TSHR: variants seen among roughly 807,000 people sequenced by gnomAD.
The protein encoded by TSHR is thyrotropin receptor.
In TSHR, 51 loss-of-function variants were observed where a neutral mutation model predicts 64.1. That is an observed-to-expected ratio of 0.80 (90% CI 0.64 to 1.01). The LOEUF is 1.01. TSHR is among the 50% of genes least tolerant of loss of function. TSHR has a pLI of 0.00. For synonymous variants in TSHR, 361 were observed against 361.9 expected (o/e 1.00, Z 0.03); for missense variants, 877 against 942.8 (o/e 0.93, Z 0.91).
At chr14:80,987,197 A>G (rs1234788365) in intron 1 of TSHR, among the ~76,000 whole-genome samples, 1 of 152,194 alleles carries the variant, frequency 6.6e-6, no homozygotes, top group African/African-American at 2.4e-5. Context: ...GTCAAATATT[A>G]CACAGTTTAC....
intron 1 of TSHR, among the ~76,000 whole-genome samples, chr14:81,011,545 C>T (rs1292323504): frequency 1.3e-5 from 2 of 151,776 alleles, no homozygotes; most frequent in Admixed American, 6.6e-5. Flanking sequence ...AATTATGTAT[C>T]GTGCTTTCTC....
chr14:81,071,538 C>T (rs1176829439), intron 3 of TSHR, among the ~76,000 whole-genome samples: 1 of 152,032 alleles, frequency 6.6e-6, no homozygotes, highest in Non-Finnish European at 1.5e-5. Flanking sequence ...TCACTAAGTT[C>T]CTCTGATTAA....
intron 2 of TSHR, among the ~76,000 whole-genome samples, chr14:81,067,268 G>GT (rs1186967579): frequency 2.0e-5 from 3 of 151,628 alleles, no homozygotes; most frequent in East Asian, 1.9e-4. Context: ...TGATGCTCAT[G>GT]TTTTTTTGCT....
intron 1 of TSHR, among the ~76,000 whole-genome samples, chr14:81,017,268 T>TA (rs1883463715): frequency 6.6e-6 from 1 of 152,160 alleles, no homozygotes; most frequent in African/African-American, 2.4e-5. Context: ...TTTGCCCATT[T>TA]AAAAAATTTC....
intron 1 of TSHR, among the ~76,000 whole-genome samples, chr14:80,970,824 A>AT (rs34011489): frequency 6.6e-6 from 1 of 152,238 alleles, no homozygotes; most frequent in African/African-American, 2.4e-5. Context: ...CTTAGAAGGG[A>AT]TTTTTTTGTG....
chr14:80,991,321 A>G (rs75296986), intron 1 of TSHR, among the ~76,000 whole-genome samples: 3 of 152,208 alleles, frequency 2.0e-5, no homozygotes, highest in African/African-American at 7.2e-5. Context: ...CTTAAAAAAA[A>G]GCCTTGAAAA....
chr14:81,098,348 T>A (rs1889350995), intron 7 of TSHR, among the ~76,000 whole-genome samples: 1 of 152,254 alleles, frequency 6.6e-6, no homozygotes, highest in African/African-American at 2.4e-5. Flanking sequence ...CATTGTTTTT[T>A]AAATCATTAT....
At chr14:80,988,195 T>C (rs2284725) in intron 1 of TSHR, among the ~76,000 whole-genome samples, 28,952 of 152,130 alleles carry the variant, frequency 0.19, 3,775 homozygotes, top group East Asian at 0.43. Context: ...CCTGTATAAG[T>C]GTTCTTACAA....
Position 81,143,762 on chromosome 14 carries a change from C to T in TSHR, c.1704C>T (p.Ile568=). The change falls in exon 10 of 10, where the codon ATC becomes ATT. Residue 568 remains isoleucine (I), a synonymous_variant. Transcript: ENST00000298171. ...VGISSYAKVS[I]CLPMDTETPL... is the part of the protein sequence containing the mutation. ...TAAGTAGCTATGCCAAAGTCAGTATCTGCCTGCCCATGGACACCGAGACCC... is the reference window on the plus strand; with the variant it reads ...TAAGTAGCTATGCCAAAGTCAGTATTTGCCTGCCCATGGACACCGAGACCC... The T allele has an allele frequency of 6.2e-7, 1 of 1,613,984 alleles. No homozygotes were observed. Among genetic ancestry groups the T allele is most frequent in the Non-Finnish European group, 8.5e-7 (1 of 1,179,992 alleles).
chr14:80,985,968 C>T lies in TSHR; in HGVS notation c.170+30118C>T, dbSNP rs563515995. ...CATGTGCTGACATCTCTTCTTACCT[C>T]GTGTCAGCATTAAAATCCAAACTCT... is the stretch of plus-strand genomic sequence containing the variant. On this transcript the variant is annotated intron_variant, in intron 1 of 9. Coordinates refer to ENST00000298171, the MANE Select transcript of TSHR (RefSeq NM_000369.5). Among the ~76,000 whole-genome samples the T allele has an allele frequency of 2.1e-4, 32 of 152,294 alleles. No individual in the cohort carries two copies. In the South Asian group the frequency reaches 6.0e-3, roughly 29 times the overall value.
chr14:81,103,718 C>T lies in TSHR; in HGVS notation c.615-4657C>T. ...ACAGAAGTTGAACTGTACTTGGTCA[C>T]AAGTTAAGTCACACATTCATTGTTT... On this transcript the variant is annotated intron_variant, in intron 7 of 9. Coordinates refer to ENST00000298171, the MANE Select transcript of TSHR (RefSeq NM_000369.5). This position sits in a 1 kb window ranked among gnomAD's most constrained non-coding sequence, Gnocchi z 4.1. The T allele has an allele frequency of 1.0e-6, 1 of 985,482 alleles. No individual in the cohort carries two copies. Among genetic ancestry groups the T allele is most frequent in the Non-Finnish European group, 1.2e-6 (1 of 829,942 alleles). 61.0% of individuals were successfully genotyped at this position (985,482 alleles called of 1,614,324 possible). A position where few individuals can be genotyped will look rare whatever the true frequency, so the allele number is the denominator to read the frequency against.
At chr14:81,139,529 T>C (rs1397827797) in intron 8 of TSHR, 150 bp from the exon 9 acceptor site, 4 of 837,900 alleles carry the variant, frequency 4.8e-6, no homozygotes, top group Non-Finnish European at 7.9e-6. Context: ...CCATCCCTCC[T>C]TAGACCAGAA....
At chr14:81,092,408 C>T in intron 5 of TSHR, 123 bp from the exon 6 acceptor site, 1 of 965,204 alleles carries the variant, frequency 1.0e-6, no homozygotes, top group Non-Finnish European at 1.6e-6. Flanking sequence ...GTCAGTGAAA[C>T]TTAAAAAGAA....
At chr14:81,031,415 TA>T (rs5810010) in intron 1 of TSHR, among the ~76,000 whole-genome samples, 37,297 of 151,838 alleles carry the variant, frequency 0.25, 4,696 homozygotes, top group South Asian at 0.33. Flanking sequence ...TGAGGCATGG[TA>T]AAAAAAATAT....
intron 1 of TSHR, among the ~76,000 whole-genome samples, chr14:81,041,592 G>A (rs993666339): frequency 6.6e-6 from 1 of 152,066 alleles, no homozygotes; most frequent in Admixed American, 6.6e-5. Flanking sequence ...ACTGGGTGAT[G>A]AAATAATCTG....
At chr14:81,102,577 G>A (rs1239140169) in intron 7 of TSHR, 1 of 163,838 alleles carries the variant, frequency 6.1e-6, no homozygotes, top group Non-Finnish European at 1.3e-5. Flanking sequence ...AGCCCAGATA[G>A]CAAATATTTG....
chr14:81,024,601 A>C (rs1200677699), intron 1 of TSHR, among the ~76,000 whole-genome samples: 1 of 152,194 alleles, frequency 6.6e-6, no homozygotes, highest in Non-Finnish European at 1.5e-5. Flanking sequence ...CATTTTCAAT[A>C]TGAGATAAAA....
At chr14:81,028,578 T>G (rs1291187018) in intron 1 of TSHR, among the ~76,000 whole-genome samples, 1 of 152,116 alleles carries the variant, frequency 6.6e-6, no homozygotes, top group Non-Finnish European at 1.5e-5. Flanking sequence ...TTCAACCATC[T>G]TAGTTCCTCT....
At chr14:80,997,798 G>T (rs1246629108) in intron 1 of TSHR, among the ~76,000 whole-genome samples, 3 of 152,218 alleles carry the variant, frequency 2.0e-5, no homozygotes, top group African/African-American at 7.2e-5. Context: ...CAAAATTACA[G>T]GACAGGGCAG....
Sources: allele counts gnomAD v4.1 joint callset (sites outside exome capture counted in the v4.1 genomes callset), GRCh38; gene constraint gnomAD v4.1.1; non-coding constraint Gnocchi (gnomAD v3.1); transcripts MANE v1.5; gene names NCBI Gene and HGNC (gene_info 2026-07-23, HGNC 2026-07-21).